DMD: variants seen among roughly 807,000 people sequenced by gnomAD.
DMD encodes mutant dystrophin.
A neutral mutation model predicts 330.1 loss-of-function variants in DMD; 63 were observed. The observed-to-expected ratio is 0.19, with a 90% confidence interval of 0.16 to 0.24. DMD has a LOEUF of 0.24. Ranked by LOEUF, DMD falls within the 10% of genes least tolerant of loss-of-function variation. The pLI is 1.00. For missense variants in DMD, 3,344 were observed against 2,684.1 expected (o/e 1.25, Z -5.43); for synonymous variants, 1,223 against 959.8 (o/e 1.27, Z -5.07).
intron 22 of DMD, among the ~76,000 whole-genome samples, chrX:32,469,097 A>G (rs1019593162): frequency 9.0e-6 from 1 of 110,749 alleles, no homozygotes; most frequent in Non-Finnish European, 1.9e-5. Flanking sequence ...TAAACTCTAC[A>G]TAAAACTATA....
chrX:32,383,463 T>G (rs903389765), intron 33 of DMD, among the ~76,000 whole-genome samples: 9 of 111,486 alleles, frequency 8.1e-5, no homozygotes, highest in African/African-American at 2.9e-4. Flanking sequence ...CTACTGCTGT[T>G]GAAAATATTT....
At chrX:31,867,799 G>A (rs2093825775) in intron 48 of DMD, among the ~76,000 whole-genome samples, 1 of 110,675 alleles carries the variant, frequency 9.0e-6, no homozygotes, top group Admixed American at 9.7e-5. Flanking sequence ...TACTTTATCC[G>A]ATAATAATAT....
At position 32,220,262 on chromosome X, in the gene DMD, C is replaced by T. The variant is rs2097127782; in HGVS notation, c.6291-3199G>A. ...ATCCAAACTTTTGCATCCTCAAGGA[C>T]CTAATAAAAATGACTTATGCTGTCA... is the stretch of plus-strand genomic sequence containing the variant. On this transcript the variant is annotated intron_variant, in intron 43 of 78. Transcript: ENST00000357033. 3.6e-5 allele frequency among the ~76,000 whole-genome samples: 4 copies of T among 111,504 alleles called. No homozygotes were observed. The Admixed American group carries it at 3.8e-4, about 11-fold the overall frequency.
At chrX:32,819,005 GTTT>G (rs55923814) in intron 5 of DMD, among the ~76,000 whole-genome samples, 9 of 69,839 alleles carry the variant, frequency 1.3e-4, no homozygotes, top group Admixed American at 7.5e-4. Context: ...TTCTACAGGT[GTTT>G]TTTTTTTTTT....
chrX:32,954,420 C>T (rs1742408445), intron 2 of DMD, among the ~76,000 whole-genome samples: 1 of 111,887 alleles, frequency 8.9e-6, no homozygotes, highest in African/African-American at 3.3e-5. Flanking sequence ...ACTGTCTTCT[C>T]ACCCTACACA....
chrX:32,862,715 C>A (rs775229204), intron 2 of DMD, among the ~76,000 whole-genome samples: 415 of 110,921 alleles, frequency 3.7e-3, no homozygotes, highest in Non-Finnish European at 6.3e-3. Flanking sequence ...TTAAATATCC[C>A]CTATAAAATT....
At chrX:33,123,770 C>T (rs911212981) in intron 1 of DMD, among the ~76,000 whole-genome samples, 29 of 108,134 alleles carry the variant, frequency 2.7e-4, no homozygotes, top group African/African-American at 9.5e-4. Context: ...AAACGAAAAC[C>T]AGAATGCCTT....
chrX:33,327,876 T>C (rs1234131286), intron 1 of DMD, among the ~76,000 whole-genome samples: 3 of 111,926 alleles, frequency 2.7e-5, no homozygotes, highest in African/African-American at 9.7e-5. Flanking sequence ...TAATAAAACA[T>C]TTTGGCGGGG....
chrX:32,495,781 T>A (rs751062608), intron 19 of DMD, among the ~76,000 whole-genome samples: 4 of 111,708 alleles, frequency 3.6e-5, no homozygotes, highest in Non-Finnish European at 7.5e-5. Flanking sequence ...TTAACTTTTC[T>A]AAGAGTTTGT....
rs1460336525 is a variant in DMD at position 31,527,699 on chromosome X, A to T, written c.8218-20246T>A. 9.0e-5 allele frequency among the ~76,000 whole-genome samples: 10 copies of T among 111,331 alleles called. No individual in the cohort carries two copies. The Admixed American group carries it at 9.5e-4, about 11-fold the overall frequency. ...CCTGGCTGGAGAAGGGCAGTTGCTA[A>T]CAGCAGCTTCAAAAGTGGTAGCGTC... is the stretch of plus-strand genomic sequence containing the variant. On this transcript the variant is annotated intron_variant, in intron 55 of 78. Coordinates refer to ENST00000357033, the MANE Select transcript of DMD (RefSeq NM_004006.3).
chrX:31,908,876 G>A (rs2094511626), intron 47 of DMD, among the ~76,000 whole-genome samples: 1 of 111,334 alleles, frequency 9.0e-6, no homozygotes, highest in African/African-American at 3.3e-5. Context: ...AGCAGAGATA[G>A]CCCCAAGCAA....
Position 32,635,003 on chromosome X carries a change from C to T in DMD, c.1331+9129G>A, listed in dbSNP as rs1023095988. On this transcript the variant is annotated intron_variant, in intron 11 of 78. Transcript: ENST00000357033. ...TCTAATCCATGATGACAAGGCTTGC[C>T]GGAACTCAGGTTCCAAACACTGGGA... Among the ~76,000 whole-genome samples, 27 of 111,942 alleles carry T rather than the reference C, an allele frequency of 2.4e-4. 1 individual carries two copies. The highest frequency in any genetic ancestry group is 1.1e-3 in the South Asian group (3 of 2,697).
intron 45 of DMD, among the ~76,000 whole-genome samples, chrX:31,955,429 G>C (rs1206752949): frequency 8.9e-6 from 1 of 112,015 alleles, no homozygotes; most frequent in South Asian, 3.7e-4. Flanking sequence ...CTGACTTTTA[G>C]TTCTCGATCC....
At chrX:32,954,088 C>T (rs1391062876) in intron 2 of DMD, among the ~76,000 whole-genome samples, 1 of 112,122 alleles carries the variant, frequency 8.9e-6, no homozygotes, top group African/African-American at 3.2e-5. Flanking sequence ...AAGAATCAAG[C>T]TTACTATAAT....
chrX:31,627,143 ATTGT>A (rs1205688785), intron 55 of DMD, among the ~76,000 whole-genome samples: 1 of 112,639 alleles, frequency 8.9e-6, no homozygotes, highest in African/African-American at 3.2e-5. Context: ...TTGTCTGAAA[ATTGT>A]TTGATCATTA....
chrX:31,869,304 G>A (rs926584076), intron 48 of DMD, among the ~76,000 whole-genome samples: 3 of 110,536 alleles, frequency 2.7e-5, no homozygotes, highest in Admixed American at 9.7e-5. Flanking sequence ...TGATCAAAAG[G>A]GTGATGGTAG....
chrX:32,138,635 A>T (rs940233909), intron 44 of DMD, among the ~76,000 whole-genome samples: 17 of 112,128 alleles, frequency 1.5e-4, no homozygotes, highest in African/African-American at 4.9e-4. Context: ...ATAAAGATAG[A>T]TATTGCATAC....
intron 51 of DMD, among the ~76,000 whole-genome samples, chrX:31,766,943 TTTG>T (rs2090039818): frequency 1.8e-5 from 2 of 109,363 alleles, no homozygotes; most frequent in Non-Finnish European, 1.9e-5. Context: ...GCGGTTTATT[TTTG>T]TTATGACCAG....
chrX:33,320,480 T>G (rs2053999748), intron 1 of DMD, among the ~76,000 whole-genome samples: 1 of 112,255 alleles, frequency 8.9e-6, no homozygotes, highest in Non-Finnish European at 1.9e-5. Flanking sequence ...CAAAGCATTA[T>G]GTTAAAAAAT....
Sources: gnomAD v4.1 joint callset for allele counts (sites outside exome capture counted in the v4.1 genomes callset) on GRCh38, gnomAD v4.1.1 for gene constraint, MANE v1.5 for transcripts, NCBI Gene and HGNC (gene_info 2026-07-23, HGNC 2026-07-21) for gene names.